Variants in THNSL1 observed in about 807,000 individuals in gnomAD.
THNSL1 encodes the protein threonine synthase-like 1.
THNSL1 carries 48 observed loss-of-function variants against 50.4 expected under a neutral mutation model. The observed-to-expected ratio is 0.95, with a 90% CI of 0.76 to 1.21. THNSL1 has a LOEUF of 1.21. Ranked by LOEUF, THNSL1 falls within the 50% of genes most tolerant of loss-of-function variation. THNSL1 has a pLI of 0.00. For missense variants in THNSL1, 896 were observed against 871.7 expected (o/e 1.03, Z -0.35); for synonymous variants, 309 against 306.1 (o/e 1.01, Z -0.10).
the THNSL1 span, among the ~76,000 whole-genome samples, chr10:24,973,830 T>C: frequency 6.6e-6 from 1 of 152,174 alleles, no homozygotes; most frequent in Non-Finnish European, 1.5e-5. Flanking sequence ...CTCAGCTCAC[T>C]GCAACCTCCG....
the THNSL1 span, among the ~76,000 whole-genome samples, chr10:24,959,427 G>C: frequency 6.6e-6 from 1 of 152,202 alleles, no homozygotes; most frequent in Non-Finnish European, 1.5e-5. Flanking sequence ...TTGAGAGTGG[G>C]AGAGATGGAG....
At chr10:24,968,163 C>T in the THNSL1 span, among the ~76,000 whole-genome samples, 1 of 152,086 alleles carries the variant, frequency 6.6e-6, no homozygotes, top group Non-Finnish European at 1.5e-5. Context: ...AGAGCTTGGG[C>T]TATCATTCCT....
the THNSL1 span, among the ~76,000 whole-genome samples, chr10:24,990,059 G>T: frequency 2.6e-5 from 4 of 152,076 alleles, no homozygotes; most frequent in African/African-American, 9.7e-5. Flanking sequence ...TTGTTTTAAG[G>T]ACAGTTTCAA....
chr10:24,970,228 G>C, the THNSL1 span, among the ~76,000 whole-genome samples: 1 of 152,148 alleles, frequency 6.6e-6, no homozygotes, highest in Non-Finnish European at 1.5e-5. Context: ...AGTTACCATA[G>C]GAACAATTTT....
the THNSL1 span, among the ~76,000 whole-genome samples, chr10:24,974,473 T>G: frequency 5.3e-5 from 8 of 152,200 alleles, no homozygotes; most frequent in Non-Finnish European, 1.2e-4. Context: ...AGTAGACGTC[T>G]TATGAAGAAT....
the THNSL1 span, chr10:24,995,686 A>G: frequency 6.2e-7 from 1 of 1,614,060 alleles, no homozygotes; most frequent in Non-Finnish European, 8.5e-7. Flanking sequence ...TGAAGGCTCA[A>G]GATCATGCTT....
chr10:24,989,671 G>A, the THNSL1 span, among the ~76,000 whole-genome samples: 1 of 152,144 alleles, frequency 6.6e-6, no homozygotes, highest in Non-Finnish European at 1.5e-5. Context: ...TGATGACATT[G>A]ATAAAATGTT....
chr10:24,953,458 T>A, the THNSL1 span: 8 of 152,282 alleles, frequency 5.3e-5, no homozygotes, highest in Admixed American at 4.6e-4. Flanking sequence ...CTGGTCAGAT[T>A]GTAATTGTTC....
chr10:24,998,435 C>T, the THNSL1 span, among the ~76,000 whole-genome samples: 1 of 146,514 alleles, frequency 6.8e-6, no homozygotes, highest in African/African-American at 2.5e-5. Context: ...AAGGCTGTGG[C>T]TTGATCATAG....
chr10:25,002,880 G>C, the THNSL1 span, among the ~76,000 whole-genome samples: 1 of 151,850 alleles, frequency 6.6e-6, no homozygotes, highest in African/African-American at 2.4e-5. Context: ...GTTGGGGCTG[G>C]CAGATATGGT....
the THNSL1 span, among the ~76,000 whole-genome samples, chr10:24,954,292 C>T: frequency 1.3e-5 from 2 of 152,072 alleles, no homozygotes; most frequent in Admixed American, 1.3e-4. Context: ...AATCCTGTAC[C>T]TGCTGAGAGA....
chr10:24,999,507 C>T, the THNSL1 span: 2 of 1,612,630 alleles, frequency 1.2e-6, no homozygotes, highest in African/African-American at 1.3e-5. Flanking sequence ...TAGCTTTTTG[C>T]ATGTCATCTT....
upstream of THNSL1, among the ~76,000 whole-genome samples, chr10:25,016,475 T>G (rs935332311): frequency 9.9e-5 from 15 of 152,284 alleles, no homozygotes; most frequent in African/African-American, 3.1e-4. Flanking sequence ...AGCGAGCGGC[T>G]GAGACCACGA....
chr10:25,015,955 T>C (rs769165517), upstream of THNSL1: 3 of 1,601,360 alleles, frequency 1.9e-6, no homozygotes, highest in Non-Finnish European at 2.6e-6. Context: ...AATGACTCCT[T>C]AAAAGCTACT....
At chr10:25,022,121 A>G (rs762144166) in intron 2 of THNSL1, among the ~76,000 whole-genome samples, 7 of 152,168 alleles carry the variant, frequency 4.6e-5, no homozygotes, top group Non-Finnish European at 1.5e-5. Flanking sequence ...ACTTCAGGCA[A>G]TTTACATGAA....
chr10:24,988,677 T>C, the THNSL1 span, among the ~76,000 whole-genome samples: 2 of 1,712 alleles, frequency 1.2e-3, no homozygotes, highest in Non-Finnish European at 2.6e-3. Flanking sequence ...TATATATATA[T>C]ATATATATAT....
At chr10:24,972,646 C>T in the THNSL1 span, among the ~76,000 whole-genome samples, 1 of 152,160 alleles carries the variant, frequency 6.6e-6, no homozygotes, top group South Asian at 2.1e-4. Flanking sequence ...AAGTGATTGT[C>T]TTAGGAGGAA....
chr10:25,021,704 A>G (rs73608226), intron 1 of THNSL1, 38 bp from the exon 2 acceptor site: 4 of 152,206 alleles, frequency 2.6e-5, no homozygotes, highest in Non-Finnish European at 2.9e-5. Context: ...ATGATACTCT[A>G]TACAGTTATG....
chr10:24,972,853 C>T, the THNSL1 span, among the ~76,000 whole-genome samples: 3 of 152,206 alleles, frequency 2.0e-5, no homozygotes, highest in Admixed American at 6.5e-5. Context: ...TTTAGGATTA[C>T]AGCAGTCCCC....
Sources: gnomAD v4.1 joint callset for allele counts (sites outside exome capture counted in the v4.1 genomes callset) on GRCh38, gnomAD v4.1.1 for gene constraint, MANE v1.5 for transcripts, NCBI Gene and HGNC (gene_info 2026-07-23, HGNC 2026-07-21) for gene names.